The following WDR11 variants were observed in gnomAD, a reference collection of about 807,000 sequenced individuals.
WDR11 encodes the protein WD repeat-containing protein 11.
WDR11 carries 83 observed loss-of-function variants against 151.2 expected under a neutral mutation model. That is an observed-to-expected ratio of 0.55 (90% CI 0.46 to 0.66). The LOEUF is 0.66. WDR11 is among the 30% of genes least tolerant of loss of function. WDR11 has a pLI of 0.00. For synonymous variants in WDR11, 484 were observed against 533.1 expected (o/e 0.91, Z 1.27); for missense variants, 1,301 against 1,480.9 (o/e 0.88, Z 1.99).
At chr10:120,868,658 C>G (rs924720876) in intron 9 of WDR11, 5 of 152,174 alleles carry the variant, frequency 3.3e-5, no homozygotes, top group African/African-American at 1.2e-4. Flanking sequence ...CACAGTCACA[C>G]AGTCACACAA....
chr10:120,893,975 C>T (rs1232045905), intron 19 of WDR11, among the ~76,000 whole-genome samples: 4 of 151,990 alleles, frequency 2.6e-5, no homozygotes, highest in Non-Finnish European at 5.9e-5. Context: ...TGCCTGTTCA[C>T]TCTGATGGTA....
intron 19 of WDR11, among the ~76,000 whole-genome samples, chr10:120,898,340 TA>T (rs1276639230): frequency 6.6e-6 from 1 of 152,224 alleles, no homozygotes; most frequent in Non-Finnish European, 1.5e-5. Context: ...GTTGAAAAAG[TA>T]GGCATGTATT....
chr10:120,900,919 TC>T (rs1335773367), intron 20 of WDR11, 116 bp from the exon 21 acceptor site: 3 of 753,968 alleles, frequency 4.0e-6, no homozygotes, highest in Non-Finnish European at 7.0e-6. Context: ...TAACCAGGTT[TC>T]TAACCAAGAA....
rs568575183 is a variant in WDR11, at chr10:120,909,433, T to TGAA, written c.*722_*724dup. 13 of 152,932 alleles carry TGAA rather than the reference T, an allele frequency of 8.5e-5. No homozygotes were observed. The highest frequency in any genetic ancestry group is 3.1e-4 in the African/African-American group (13 of 41,584). The allele number at this position is 152,932 out of a possible 1,614,324, so 9.5% of individuals were successfully genotyped here. ...TTAATGTTCTCTCTGTTCTAATAGT[T>TGAA]GAAGTATGAGATGTAACTATTATAA... On this transcript the variant is annotated 3_prime_UTR_variant, in exon 29 of 29. Coordinates refer to ENST00000263461, the MANE Select transcript of WDR11 (RefSeq NM_018117.12).
At chr10:120,870,225 A>G (rs1846488207) in intron 9 of WDR11, among the ~76,000 whole-genome samples, 1 of 152,226 alleles carries the variant, frequency 6.6e-6, no homozygotes, top group Non-Finnish European at 1.5e-5. Context: ...TATTAAAACA[A>G]CTTTACAGCT....
chr10:120,901,577 A>G (rs1847817215), intron 21 of WDR11, among the ~76,000 whole-genome samples: 1 of 152,248 alleles, frequency 6.6e-6, no homozygotes, highest in African/African-American at 2.4e-5. Context: ...ACTGGGAATA[A>G]GAAAGGAAAA....
At chr10:120,853,056 A>G (rs1845833808) in intron 2 of WDR11, among the ~76,000 whole-genome samples, 1 of 130,392 alleles carries the variant, frequency 7.7e-6, no homozygotes, top group South Asian at 2.4e-4. Flanking sequence ...GGAGAGTCAC[A>G]GAAGTCTACA....
chr10:120,893,922 G>A (rs957325236), intron 19 of WDR11, among the ~76,000 whole-genome samples: 5 of 151,960 alleles, frequency 3.3e-5, no homozygotes, highest in Non-Finnish European at 1.5e-5. Context: ...TTAGCCCTTC[G>A]TCAGATGAGT....
At chr10:120,885,063 C>T (rs894626629) in intron 14 of WDR11, 4 of 152,314 alleles carry the variant, frequency 2.6e-5, no homozygotes, top group Admixed American at 6.6e-5. Context: ...CTTCTGTGTC[C>T]GCTGAGCTCT....
intron 11 of WDR11, among the ~76,000 whole-genome samples, 178 bp from the exon 12 acceptor site, chr10:120,878,166 TTTGTATGTG>T: frequency 6.6e-6 from 1 of 152,204 alleles, no homozygotes; most frequent in East Asian, 1.9e-4. Context: ...TAGAAATGAT[TTTGTATGTG>T]TTAGGTATGG....
At chr10:120,879,119 A>G (rs1846906910) in intron 12 of WDR11, 1 of 152,246 alleles carries the variant, frequency 6.6e-6, no homozygotes, top group Non-Finnish European at 1.5e-5. Context: ...AGTTTCTTTA[A>G]AATGGTATAG....
rs560536574 is a variant in WDR11, at chr10:120,865,122, C to G, written c.789C>G (p.Leu263=). The change falls in exon 6 of 29, where the codon CTC becomes CTG. Residue 263 remains leucine (L), a synonymous_variant. Coordinates refer to ENST00000263461, the MANE Select transcript of WDR11 (RefSeq NM_018117.12). ...LPSKRNHMLL[L]YPREILILDL... ...CAAAAAGGAATCACATGTTGTTGCT[C>G]TATCCTCGAGAGATTTTAATCCTTG... 5.0e-6 allele frequency: 8 copies of G among 1,613,966 alleles called. No homozygotes were observed. Among genetic ancestry groups the G allele is most frequent in the Non-Finnish European group, 5.9e-6 (7 of 1,179,884 alleles).
chr10:120,882,391 A>G (rs1410839743), intron 13 of WDR11, among the ~76,000 whole-genome samples: 1 of 151,928 alleles, frequency 6.6e-6, no homozygotes, highest in Non-Finnish European at 1.5e-5. Flanking sequence ...CTGACCTTGC[A>G]GAACGTGTTG....
Position 120,871,228 on chromosome 10 carries a change from C to T in WDR11, c.1353C>T (p.His451=). 6.2e-7 allele frequency: 1 copy of T among 1,614,134 alleles called. No homozygotes were observed. Among genetic ancestry groups the T allele is most frequent in the African/African-American group, 1.3e-5 (1 of 75,052 alleles). Residue 451 remains histidine, a synonymous_variant, in exon 10 of 29, where the codon CAC becomes CAT. Transcript: ENST00000263461. ...GAGGTTCAATTCTGCGGGAAGTGCA[C>T]CTCAAGTTCCTGCTGACGGGACTGC... ...HPRGSILREV[H]LKFLLTGLLS...
intron 7 of WDR11, 46 bp downstream of exon 7, chr10:120,865,790 T>C (rs1564943834): frequency 1.5e-6 from 2 of 1,354,286 alleles, no homozygotes; most frequent in Non-Finnish European, 2.1e-6. Flanking sequence ...TTCAAAATTA[T>C]TTTATAAAGC....
At chr10:120,886,071 C>A in intron 15 of WDR11, 133 bp downstream of exon 15, 1 of 1,096,154 alleles carries the variant, frequency 9.1e-7, no homozygotes, top group Non-Finnish European at 1.3e-6. Context: ...TTTCATCTTT[C>A]AGTACATACC....
Position 120,908,807 on chromosome 10 carries a change from G to C in WDR11, c.*94G>C. 1 of 1,404,506 alleles carries C rather than the reference G, an allele frequency of 7.1e-7. No homozygotes were observed. The highest frequency in any genetic ancestry group is 1.0e-6 in the Non-Finnish European group (1 of 994,582). The allele number at this position is 1,404,506 out of a possible 1,614,324, so 87.0% of individuals were successfully genotyped here. On this transcript the variant is annotated 3_prime_UTR_variant, in exon 29 of 29. Transcript: ENST00000263461. Reference sequence around the variant, plus strand: ...CCGTCACAGTCCAGGATGAAGAGGAGTACAGGGTCCTGTGAGCTGTTTGAC... The same window carrying C: ...CCGTCACAGTCCAGGATGAAGAGGACTACAGGGTCCTGTGAGCTGTTTGAC...
intron 4 of WDR11, among the ~76,000 whole-genome samples, chr10:120,862,146 GT>G (rs1024130533): frequency 1.6e-4 from 23 of 146,368 alleles, no homozygotes; most frequent in Admixed American, 2.0e-4. Context: ...TTTTGTTTTT[GT>G]TTTTTTTTTT....
chr10:120,887,676 C>T (rs1339552928), intron 16 of WDR11, among the ~76,000 whole-genome samples: 1 of 152,150 alleles, frequency 6.6e-6, no homozygotes, highest in Non-Finnish European at 1.5e-5. Context: ...CACATTAATG[C>T]TGGCTGTTGA....
Sources: gnomAD v4.1 joint callset for allele counts (sites outside exome capture counted in the v4.1 genomes callset) on GRCh38, gnomAD v4.1.1 for gene constraint, MANE v1.5 for transcripts, NCBI Gene and HGNC (gene_info 2026-07-23, HGNC 2026-07-21) for gene names.